Variants in MYH13 observed in about 807,000 individuals in gnomAD.
The protein encoded by MYH13 is myosin heavy chain 13.
In MYH13, 177 loss-of-function variants were observed where a neutral mutation model predicts 232.1. The observed-to-expected ratio is 0.76, with a 90% CI of 0.67 to 0.86. MYH13 has a LOEUF of 0.86. MYH13 is among the 40% of genes least tolerant of loss of function. The pLI, the probability that MYH13 is intolerant of heterozygous loss-of-function variation, is 0.00. For synonymous variants in MYH13, 884 were observed against 923.5 expected (o/e 0.96, Z 0.78); for missense variants, 2,246 against 2,405.9 (o/e 0.93, Z 1.39).
intron 1 of MYH13, among the ~76,000 whole-genome samples, chr17:10,372,176 TTACA>T (rs1373527045): frequency 1.3e-5 from 2 of 152,180 alleles, no homozygotes; most frequent in African/African-American, 4.8e-5. Context: ...AATTAAAGTA[TTACA>T]TACTATATTC....
chr17:10,352,565 G>A (rs928613269), intron 11 of MYH13, among the ~76,000 whole-genome samples: 2 of 151,948 alleles, frequency 1.3e-5, no homozygotes, highest in South Asian at 4.2e-4. Context: ...CTCCAGCCTG[G>A]GGACAGAGCG....
chr17:10,363,338 A>T (rs951083213), intron 3 of MYH13, among the ~76,000 whole-genome samples: 3 of 144,534 alleles, frequency 2.1e-5, no homozygotes, highest in Non-Finnish European at 4.6e-5. Context: ...AAAAAAAAAT[A>T]GGGCAAGAAA....
chr17:10,357,899 C>T (rs955862604), intron 7 of MYH13, 72 bp from the exon 8 acceptor site: 33 of 1,373,334 alleles, frequency 2.4e-5, no homozygotes, highest in East Asian at 6.9e-5. Context: ...ATGACTAAAA[C>T]GGTGGGTACT....
At chr17:10,368,742 C>G (rs2071856542) in intron 2 of MYH13, among the ~76,000 whole-genome samples, 1 of 152,204 alleles carries the variant, frequency 6.6e-6, no homozygotes, top group Non-Finnish European at 1.5e-5. Flanking sequence ...TGGGACTCTA[C>G]AAGAACCCAC....
intron 10 of MYH13, 33 bp downstream of exon 10, chr17:10,354,862 T>C (rs752716371): frequency 6.3e-7 from 1 of 1,590,640 alleles, no homozygotes; most frequent in Non-Finnish European, 8.6e-7. Flanking sequence ...CGTCACCGAT[T>C]TGGAACATAA....
chr17:10,309,879 A>G (rs1906443667), intron 33 of MYH13, 49 bp from the exon 34 acceptor site: 2 of 1,448,712 alleles, frequency 1.4e-6, no homozygotes, highest in South Asian at 2.8e-5. Context: ...ATCCACCTTC[A>G]TGAATGGGTA....
intron 23 of MYH13, among the ~76,000 whole-genome samples, chr17:10,323,787 A>AGAAGAAGAAGAAG (rs1305383879): frequency 3.9e-4 from 26 of 66,744 alleles, no homozygotes; most frequent in African/African-American, 1.6e-3. Context: ...AAAAAAAAAA[A>AGAAGAAGAAGAAG]AAGAAGAAGA....
chr17:10,366,398 T>TTTTTTTTTTTTA (rs2071838377), intron 2 of MYH13, among the ~76,000 whole-genome samples: 1 of 149,896 alleles, frequency 6.7e-6, no homozygotes, highest in African/African-American at 2.5e-5. Flanking sequence ...TTTTTTTTTT[T>TTTTTTTTTTTTA]GAGATGGAGT....
At chr17:10,356,726 T>G (rs1290998971) in intron 8 of MYH13, among the ~76,000 whole-genome samples, 1 of 152,184 alleles carries the variant, frequency 6.6e-6, no homozygotes, top group Non-Finnish European at 1.5e-5. Flanking sequence ...AATACAAGTT[T>G]GAGACTATCC....
chr17:10,371,859 G>A lies in MYH13; in HGVS notation c.-63-600C>T, dbSNP rs189260441. Among the ~76,000 whole-genome samples the A allele has an allele frequency of 2.0e-5, 3 of 152,254 alleles. No individual in the cohort carries two copies. In the East Asian group the frequency reaches 5.8e-4, roughly 29 times the overall value. On this transcript the variant is annotated intron_variant, in intron 1 of 40. Transcript: ENST00000252172. ...CTAAATTCCTCCTGCAGATGATGAA[G>A]GTAGGGCAGCTGAAAAGTCACCTGG...
At position 10,371,253 on chromosome 17, in the gene MYH13, C is replaced by T. The variant is rs1442879487; in HGVS notation, c.-57G>A. The T allele has an allele frequency of 2.6e-5, 4 of 151,414 alleles. No homozygotes were observed. Among genetic ancestry groups the T allele is most frequent in the East Asian group, 3.9e-4 (2 of 5,182 alleles). 9.4% of individuals were successfully genotyped at this position (151,414 alleles called of 1,614,324 possible). A position where few individuals can be genotyped will look rare whatever the true frequency, so the allele number is the denominator to read the frequency against. On this transcript the variant is annotated 5_prime_UTR_variant, in exon 2 of 41. Transcript: ENST00000252172. ...CAGTCAGTGTCCTTCAGGAATAAAG[C>T]GTCTTCCTGGGGATAATTTGAGAAA...
Position 10,340,181 on chromosome 17 carries a change from T to A in MYH13, c.2025A>T (p.Arg675=). 1 of 1,613,964 alleles carries A rather than the reference T, an allele frequency of 6.2e-7. No homozygotes were observed. The highest frequency in any genetic ancestry group is 1.1e-5 in the South Asian group (1 of 91,040). Residue 675 remains arginine (R), a synonymous_variant, in exon 18 of 41, where the codon CGA becomes CGT. Transcript: ENST00000252172. ...NLRSTHPHFV[R]CLIPNETKTP... is the part of the protein sequence containing the mutation. ...TCTTGGTCTCATTGGGAATCAGACA[T>A]CGTACAAAGTGAGGGTGGGTGCTCC...
intron 24 of MYH13, 147 bp downstream of exon 24, chr17:10,321,385 T>C: frequency 1.3e-6 from 1 of 762,606 alleles, no homozygotes; most frequent in African/African-American, 1.8e-5. Flanking sequence ...CCCAGACTCC[T>C]TCAGGGTCAG....
chr17:10,302,974 T>C (rs1217065644), intron 39 of MYH13, among the ~76,000 whole-genome samples: 7 of 151,386 alleles, frequency 4.6e-5, no homozygotes, highest in Admixed American at 4.6e-4. Context: ...TGGAGGGGGC[T>C]GGCCAAGTAG....
chr17:10,353,917 GAGGAAGGAAGGAAAGA>G (rs1253830845), intron 11 of MYH13, among the ~76,000 whole-genome samples: 2 of 112,612 alleles, frequency 1.8e-5, no homozygotes, highest in Non-Finnish European at 4.2e-5. Context: ...AGGAGAGAGA[GAGGAAGGAAGGAAAGA>G]AGGAAGGAAG....
intron 8 of MYH13, among the ~76,000 whole-genome samples, chr17:10,357,176 C>T (rs985314685): frequency 2.0e-5 from 3 of 151,966 alleles, no homozygotes; most frequent in South Asian, 2.1e-4. Flanking sequence ...TGGTCAGGCT[C>T]GTCTCAAACT....
At chr17:10,303,317 G>A in intron 38 of MYH13, 26 bp from the exon 39 acceptor site, 1 of 1,613,060 alleles carries the variant, frequency 6.2e-7, no homozygotes, top group East Asian at 2.2e-5. Context: ...ACGTGGCAGG[G>A]GCCCGCAAAC....
At chr17:10,366,257 C>T (rs2071836038) in intron 2 of MYH13, among the ~76,000 whole-genome samples, 1 of 151,936 alleles carries the variant, frequency 6.6e-6, no homozygotes, top group South Asian at 2.1e-4. Context: ...TTCCTCTTTC[C>T]TTCCCTTCTC....
rs533208735 is a variant in MYH13 at position 10,331,994 on chromosome 17, C to T, written c.2298+105G>A. On this transcript the variant is annotated intron_variant, in intron 20 of 40. Coordinates refer to ENST00000252172, the MANE Select transcript of MYH13 (RefSeq NM_003802.3). ...CCTTACCTGGGCGACTGGGCAAGGA[C>T]GGTCAGGTGGACCAAAAGGAGAAGG... 88 of 1,444,450 alleles carry T rather than the reference C, an allele frequency of 6.1e-5. No individual in the cohort carries two copies. In the East Asian group the frequency reaches 1.0e-3, roughly 17 times the overall value. 89.5% of individuals were successfully genotyped at this position (1,444,450 alleles called of 1,614,324 possible). A position where few individuals can be genotyped will look rare whatever the true frequency, so the allele number is the denominator to read the frequency against.
Sources: allele counts gnomAD v4.1 joint callset (sites outside exome capture counted in the v4.1 genomes callset), GRCh38; gene constraint gnomAD v4.1.1; transcripts MANE v1.5; gene names NCBI Gene and HGNC (gene_info 2026-07-23, HGNC 2026-07-21).